The following CFAP54 variants were observed in gnomAD, a reference collection of about 807,000 sequenced individuals.
The protein encoded by CFAP54 is cilia and flagella associated protein 54.
In CFAP54, 290 loss-of-function variants were observed where a neutral mutation model predicts 370.4. That is an observed-to-expected ratio of 0.78 (90% CI 0.71 to 0.86). CFAP54 has a LOEUF of 0.86. CFAP54 is among the 40% of genes least tolerant of loss of function. The pLI is 0.00. For missense variants in CFAP54, 3,399 were observed against 3,528.7 expected (o/e 0.96, Z 0.93); for synonymous variants, 1,206 against 1,236.5 (o/e 0.98, Z 0.52).
chr12:96,510,704 C>T (rs979989626), intron 4 of CFAP54, among the ~76,000 whole-genome samples: 5 of 151,982 alleles, frequency 3.3e-5, no homozygotes, highest in African/African-American at 1.2e-4. Context: ...GGAATGGTGG[C>T]TCACGCTTCT....
At chr12:96,507,653 A>G (rs1358776589) in intron 4 of CFAP54, among the ~76,000 whole-genome samples, 1 of 152,170 alleles carries the variant, frequency 6.6e-6, no homozygotes, top group Non-Finnish European at 1.5e-5. Flanking sequence ...TAAAGTTGCA[A>G]CTTACTGCAT....
intron 17 of CFAP54, among the ~76,000 whole-genome samples, chr12:96,556,985 G>A (rs7316744): frequency 0.011 from 1,667 of 152,208 alleles, 27 homozygotes; most frequent in African/African-American, 0.037. Context: ...AAAATAATCT[G>A]TATAACAAAC....
At chr12:96,608,149 A>T (rs926922873) in intron 26 of CFAP54, among the ~76,000 whole-genome samples, 3 of 152,140 alleles carry the variant, frequency 2.0e-5, no homozygotes, top group African/African-American at 7.2e-5. Flanking sequence ...TGTAATATAA[A>T]TGCTAAGTAG....
chr12:96,806,487 T>C (rs1244863378), intron 63 of CFAP54, among the ~76,000 whole-genome samples: 1 of 151,968 alleles, frequency 6.6e-6, no homozygotes, highest in African/African-American at 2.4e-5. Flanking sequence ...GACCTAGTAC[T>C]CTTTTCTGGA....
chr12:96,621,454 G>A (rs1310585027), intron 26 of CFAP54, 136 bp from the exon 27 acceptor site: 8 of 542,510 alleles, frequency 1.5e-5, no homozygotes, highest in South Asian at 9.1e-5. Context: ...GTAAACTTAC[G>A]GTTTTTTTTA....
intron 67 of CFAP54, among the ~76,000 whole-genome samples, chr12:96,863,420 C>T (rs761932685): frequency 2.0e-4 from 30 of 152,170 alleles, no homozygotes; most frequent in East Asian, 1.9e-3. Flanking sequence ...ATATTATAGA[C>T]GAGGAAACAA....
chr12:96,757,654 G>A, intron 58 of CFAP54, 66 bp downstream of exon 58: 1 of 854,082 alleles, frequency 1.2e-6, no homozygotes, highest in South Asian at 1.9e-5. Context: ...TGGTAACACT[G>A]TGCTATTGAA....
chr12:96,589,650 A>T (rs1956106712), intron 23 of CFAP54, 87 bp downstream of exon 23: 2 of 825,220 alleles, frequency 2.4e-6, no homozygotes, highest in East Asian at 5.4e-5. Context: ...TTTTAATATC[A>T]TGTTCAGATA....
intron 60 of CFAP54, among the ~76,000 whole-genome samples, chr12:96,771,626 T>A (rs1004430306): frequency 1.3e-5 from 2 of 152,126 alleles, no homozygotes; most frequent in Non-Finnish European, 2.9e-5. Context: ...CACTCCGGCC[T>A]GGGCAAAAGA....
At chr12:96,654,971 G>A (rs1229301528) in intron 36 of CFAP54, among the ~76,000 whole-genome samples, 1 of 151,734 alleles carries the variant, frequency 6.6e-6, no homozygotes, top group Non-Finnish European at 1.5e-5. Flanking sequence ...GGCATTCTTT[G>A]GGGTATGAAT....
At chr12:96,567,064 G>A (rs370928600) in intron 19 of CFAP54, among the ~76,000 whole-genome samples, 16 of 152,148 alleles carry the variant, frequency 1.1e-4, no homozygotes, top group Admixed American at 7.2e-4. Flanking sequence ...GAGAAATCAC[G>A]TGAAGTTGAG....
intron 36 of CFAP54, among the ~76,000 whole-genome samples, chr12:96,655,354 T>C (rs1956910151): frequency 6.6e-6 from 1 of 151,916 alleles, no homozygotes; most frequent in Non-Finnish European, 1.5e-5. Context: ...ATGTGAACTA[T>C]ATTTGAGGAT....
chr12:96,726,406 G>C (rs1957837015), intron 50 of CFAP54, among the ~76,000 whole-genome samples: 1 of 152,238 alleles, frequency 6.6e-6, no homozygotes, highest in South Asian at 2.1e-4. Flanking sequence ...AGTCTTGGGA[G>C]AGAGTATGTG....
At chr12:96,553,486 TTA>T (rs1010501684) in intron 15 of CFAP54, among the ~76,000 whole-genome samples, 6 of 88,058 alleles carry the variant, frequency 6.8e-5, no homozygotes, top group African/African-American at 2.2e-4. Context: ...ATATATATAG[TTA>T]TATATATATA....
Position 96,708,803 on chromosome 12 carries a change from G to A in CFAP54, c.6724G>A (p.Glu2242Lys), listed in dbSNP as rs1052431351. ...CAAACCAAACCTACCAAACTTGGAAGGTAATTGTTTTATTTTTTGCTTATT... is the reference window on the plus strand; with the variant it reads ...CAAACCAAACCTACCAAACTTGGAAAGTAATTGTTTTATTTTTTGCTTATT... ...KSKPNLPNLE[E>K]IYSKDDGSSF... is the part of the protein sequence containing the mutation. The change falls in exon 48 of 68, where the codon GAG (glutamate) becomes AAG (lysine). Residue 2242 changes from glutamate (E) to lysine (K), a missense_variant and splice_region_variant. Transcript: ENST00000524981. 6.3e-6 allele frequency: 10 copies of A among 1,587,022 alleles called. No individual in the cohort carries two copies. Among genetic ancestry groups the A allele is most frequent in the South Asian group, 1.2e-5 (1 of 85,684 alleles).
At chr12:96,570,166 G>T (rs1163219887) in intron 19 of CFAP54, among the ~76,000 whole-genome samples, 1 of 151,906 alleles carries the variant, frequency 6.6e-6, no homozygotes, top group Non-Finnish European at 1.5e-5. Context: ...TAAAGATGCG[G>T]TTTTGTCATG....
At chr12:96,621,885 T>TTTTTTTTTTTTTTTTTTTTTG (rs1956498206) in intron 27 of CFAP54, among the ~76,000 whole-genome samples, 164 bp downstream of exon 27, 1 of 129,208 alleles carries the variant, frequency 7.7e-6, no homozygotes, top group Non-Finnish European at 1.6e-5. Flanking sequence ...GTTTTTTTTT[T>TTTTTTTTTTTTTTTTTTTTTG]TTTTTTTTTT....
rs532179669 is a variant in CFAP54 at position 96,716,994 on chromosome 12, A to G, written c.6725-1449A>G. Among the ~76,000 whole-genome samples the G allele has an allele frequency of 2.5e-4, 38 of 152,284 alleles. 1 individual carries two copies. The South Asian group carries it at 7.3e-3, about 29-fold the overall frequency. ...GGAGAAGGTGAAGTCAGTGAGATGTAGAGTGGCAGGCAGGTAACTAGCCTT... is the reference window on the plus strand; with the variant it reads ...GGAGAAGGTGAAGTCAGTGAGATGTGGAGTGGCAGGCAGGTAACTAGCCTT... On this transcript the variant is annotated intron_variant, in intron 48 of 67. Transcript: ENST00000524981.
At chr12:96,819,666 G>A (rs979473843) in intron 65 of CFAP54, among the ~76,000 whole-genome samples, 1 of 152,032 alleles carries the variant, frequency 6.6e-6, no homozygotes, top group Admixed American at 6.6e-5. Context: ...GTCAAGTAGT[G>A]TACTATAGTT....
Sources: gnomAD v4.1 joint callset for allele counts (sites outside exome capture counted in the v4.1 genomes callset) on GRCh38, gnomAD v4.1.1 for gene constraint, MANE v1.5 for transcripts, NCBI Gene and HGNC (gene_info 2026-07-23, HGNC 2026-07-21) for gene names.